NUBPL: variants seen among roughly 807,000 people sequenced by gnomAD.
NUBPL encodes iron-sulfur cluster transfer protein NUBPL.
NUBPL carries 31 observed loss-of-function variants against 45.7 expected under a neutral mutation model. The ratio of observed to expected loss-of-function variants is 0.68; its 90% CI spans 0.51 to 0.92. NUBPL has a LOEUF of 0.92. NUBPL is among the 40% of genes least tolerant of loss of function. The pLI, the probability that NUBPL is intolerant of heterozygous loss-of-function variation, is 0.00. For missense variants in NUBPL, 401 were observed against 398.7 expected, an observed-to-expected ratio of 1.01 and a Z score of -0.05; for synonymous variants, 144 against 140.9, an observed-to-expected ratio of 1.02 and a Z score of -0.15.
chr14:31,795,317 T>C (rs1474476638), intron 7 of NUBPL, among the ~76,000 whole-genome samples: 1 of 135,454 alleles, frequency 7.4e-6, no homozygotes, highest in African/African-American at 2.9e-5. Flanking sequence ...GTAAATTACC[T>C]TGGGCAGTAT....
At chr14:31,757,104 A>G (rs2038684032) in intron 6 of NUBPL, among the ~76,000 whole-genome samples, 1 of 151,338 alleles carries the variant, frequency 6.6e-6, no homozygotes, top group South Asian at 2.1e-4. Flanking sequence ...TCGGTTTGCC[A>G]GTATTTTATT....
At chr14:31,668,481 C>T (rs1266306348) in intron 4 of NUBPL, among the ~76,000 whole-genome samples, 1 of 152,206 alleles carries the variant, frequency 6.6e-6, no homozygotes, top group African/African-American at 2.4e-5. Context: ...GCCAGTGGAT[C>T]TTAGCTTGCC....
chr14:31,681,768 A>G (rs2036840268), intron 6 of NUBPL, among the ~76,000 whole-genome samples: 1 of 151,984 alleles, frequency 6.6e-6, no homozygotes, highest in Admixed American at 6.6e-5. Context: ...AGTAGTTTCT[A>G]ATTTCCTTCT....
chr14:31,734,807 G>T (rs2038130284), intron 6 of NUBPL, among the ~76,000 whole-genome samples: 1 of 152,198 alleles, frequency 6.6e-6, no homozygotes, highest in East Asian at 1.9e-4. Context: ...CCAGTAATGG[G>T]TCTGTAGATA....
At chr14:31,758,383 T>C (rs1047725447) in intron 6 of NUBPL, among the ~76,000 whole-genome samples, 2 of 152,232 alleles carry the variant, frequency 1.3e-5, no homozygotes, top group African/African-American at 4.8e-5. Flanking sequence ...TTTTCATTAT[T>C]AATGTTTTCA....
intron 6 of NUBPL, among the ~76,000 whole-genome samples, chr14:31,773,406 T>C (rs575696178): frequency 3.9e-5 from 6 of 152,146 alleles, no homozygotes; most frequent in Non-Finnish European, 8.8e-5. Context: ...GGTTAGATAT[T>C]GTGGAGGTAT....
At chr14:31,626,272 C>A (rs1406300732) in intron 4 of NUBPL, among the ~76,000 whole-genome samples, 1 of 152,102 alleles carries the variant, frequency 6.6e-6, no homozygotes, top group Non-Finnish European at 1.5e-5. Context: ...ATCCCCCTGC[C>A]TCAGCCTCCT....
At chr14:31,606,099 CTTTTTT>C (rs56899102) in intron 4 of NUBPL, among the ~76,000 whole-genome samples, 2 of 120,524 alleles carry the variant, frequency 1.7e-5, no homozygotes, top group African/African-American at 3.0e-5. Flanking sequence ...CTTTTCTTTT[CTTTTTT>C]TTTTTTTTTT....
At chr14:31,723,271 T>C (rs1485321856) in intron 6 of NUBPL, among the ~76,000 whole-genome samples, 1 of 152,190 alleles carries the variant, frequency 6.6e-6, no homozygotes. Context: ...GCCTTATTTC[T>C]GGGTTATTTA....
chr14:31,672,777 A>G (rs1446303502), intron 4 of NUBPL, among the ~76,000 whole-genome samples: 1 of 152,200 alleles, frequency 6.6e-6, no homozygotes, highest in Non-Finnish European at 1.5e-5. Flanking sequence ...TTGTATTTGA[A>G]GTATTTCTTA....
At chr14:31,813,803 G>T (rs1376321712) in intron 7 of NUBPL, among the ~76,000 whole-genome samples, 1 of 152,122 alleles carries the variant, frequency 6.6e-6, no homozygotes, top group Non-Finnish European at 1.5e-5. Flanking sequence ...ATCTGTTCCT[G>T]TGTTAGTTTG....
chr14:31,857,969 T>C (rs1308864414), intron 10 of NUBPL, among the ~76,000 whole-genome samples: 2 of 152,206 alleles, frequency 1.3e-5, no homozygotes, highest in Non-Finnish European at 2.9e-5. Context: ...TGGTACCAAC[T>C]TACCGTAATA....
chr14:31,765,441 T>C (rs1480514582), intron 6 of NUBPL, among the ~76,000 whole-genome samples: 1 of 152,206 alleles, frequency 6.6e-6, no homozygotes, highest in East Asian at 1.9e-4. Context: ...TAATTTTGAC[T>C]TATGATAACC....
At chr14:31,769,781 A>G (rs552786449) in intron 6 of NUBPL, among the ~76,000 whole-genome samples, 1 of 150,810 alleles carries the variant, frequency 6.6e-6, no homozygotes, top group Non-Finnish European at 1.5e-5. Context: ...TAGTCATGGT[A>G]TTTTTTTTTC....
chr14:31,603,494 T>A (rs138232258), intron 4 of NUBPL, among the ~76,000 whole-genome samples: 1 of 152,254 alleles, frequency 6.6e-6, no homozygotes, highest in African/African-American at 2.4e-5. Flanking sequence ...ATGACTATAT[T>A]TACTCCTGTA....
intron 7 of NUBPL, among the ~76,000 whole-genome samples, chr14:31,797,735 T>C (rs1469973753): frequency 1.4e-5 from 2 of 146,028 alleles, no homozygotes. Context: ...TCCATTTACA[T>C]TTAAAGTTAA....
intron 3 of NUBPL, among the ~76,000 whole-genome samples, chr14:31,575,557 A>G (rs1232707814): frequency 4.6e-5 from 7 of 152,210 alleles, no homozygotes; most frequent in Non-Finnish European, 8.8e-5. Context: ...AATATTAGTT[A>G]TGTGAATTTG....
chr14:31,773,125 TATTGTGGCATTTATATTTAAA>T (rs2039039041), intron 6 of NUBPL, among the ~76,000 whole-genome samples: 1 of 152,184 alleles, frequency 6.6e-6, no homozygotes. Flanking sequence ...TTCAGATTTT[TATTGTGGCATTTATATTTAAA>T]TAATTTCTCC....
intron 4 of NUBPL, among the ~76,000 whole-genome samples, chr14:31,613,553 G>C (rs889466020): frequency 6.6e-6 from 1 of 151,838 alleles, no homozygotes; most frequent in African/African-American, 2.4e-5. Flanking sequence ...CCAGGTTCCC[G>C]TTCAAGCAAT....
Sources: gnomAD v4.1 joint callset for allele counts (sites outside exome capture counted in the v4.1 genomes callset) on GRCh38, gnomAD v4.1.1 for gene constraint, MANE v1.5 for transcripts, NCBI Gene and HGNC (gene_info 2026-07-23, HGNC 2026-07-21) for gene names.